The following FOXN3 variants were observed in gnomAD, a reference collection of about 807,000 sequenced individuals.
FOXN3 encodes the protein forkhead box N3.
Under a neutral mutation model 38.4 loss-of-function variants are expected in FOXN3, and 7 were observed. The observed-to-expected ratio is 0.18, with a 90% CI of 0.10 to 0.34. The LOEUF (loss-of-function observed/expected upper bound fraction) is 0.34. Among genes scored for constraint, FOXN3 ranks in the 10% least tolerant of loss-of-function variants. The pLI is 1.00. For synonymous variants in FOXN3, 230 were observed against 242.2 expected (o/e 0.95, Z 0.47); for missense variants, 456 against 613.4 (o/e 0.74, Z 2.71).
At chr14:89,612,921 G>A (rs776766963) in intron 1 of FOXN3, among the ~76,000 whole-genome samples, 3 of 151,212 alleles carry the variant, frequency 2.0e-5, no homozygotes, top group Non-Finnish European at 2.9e-5. Flanking sequence ...AGTTTCAGAC[G>A]AGCCTGGCCA....
intron 1 of FOXN3, among the ~76,000 whole-genome samples, chr14:89,416,448 G>T (rs1371541897): frequency 6.6e-6 from 1 of 152,146 alleles, no homozygotes; most frequent in East Asian, 1.9e-4. Flanking sequence ...GTCGGGCCTC[G>T]GGGGTCTCCG....
At chr14:89,428,221 G>C (rs1892084006) in intron 1 of FOXN3, among the ~76,000 whole-genome samples, 1 of 152,158 alleles carries the variant, frequency 6.6e-6, no homozygotes, top group South Asian at 2.1e-4. Flanking sequence ...GCAGCACAAA[G>C]TTCTTTTTTG....
At chr14:89,206,714 C>T (rs1888395517) in intron 4 of FOXN3, among the ~76,000 whole-genome samples, 1 of 152,166 alleles carries the variant, frequency 6.6e-6, no homozygotes, top group Admixed American at 6.5e-5. Context: ...CAAAACGAAA[C>T]AAAGAAAACT....
chr14:89,475,062 C>T (rs1349117015), intron 1 of FOXN3, among the ~76,000 whole-genome samples: 1 of 152,134 alleles, frequency 6.6e-6, no homozygotes, highest in African/African-American at 2.4e-5. Flanking sequence ...GATCCATCCG[C>T]CCCAGCCTCC....
At chr14:89,220,809 C>T (rs1884439610) in intron 4 of FOXN3, among the ~76,000 whole-genome samples, 1 of 152,104 alleles carries the variant, frequency 6.6e-6, no homozygotes, top group Non-Finnish European at 1.5e-5. Context: ...GAAGAATGCC[C>T]TGAGAACCAT....
intron 4 of FOXN3, among the ~76,000 whole-genome samples, chr14:89,279,387 C>A (rs1886393154): frequency 6.6e-6 from 1 of 152,112 alleles, no homozygotes. Context: ...TTTTGCCCCA[C>A]AGAAACGAAC....
chr14:89,216,038 A>G (rs531274998), intron 4 of FOXN3, among the ~76,000 whole-genome samples: 9 of 152,230 alleles, frequency 5.9e-5, no homozygotes, highest in Admixed American at 1.3e-4. Flanking sequence ...AGAAGTGACC[A>G]TTTGTGCCCA....
rs540069988 is a variant in FOXN3 at position 89,161,037 on chromosome 14, T to C, written c.*1377A>G. ...CTTTTCTCTATTTTCTATATTTATA[T>C]GAAAATAATTCATGCTTCATGCTAA... is the stretch of plus-strand genomic sequence containing the variant. On this transcript the variant is annotated 3_prime_UTR_variant, in exon 6 of 6. Transcript: ENST00000557258. The C allele has an allele frequency of 6.6e-6, 1 of 152,396 alleles. No individual in the cohort carries two copies. Among genetic ancestry groups the C allele is most frequent in the East Asian group, 1.9e-4 (1 of 5,194 alleles). 9.4% of individuals were successfully genotyped at this position (152,396 alleles called of 1,614,324 possible).
intron 3 of FOXN3, among the ~76,000 whole-genome samples, chr14:89,348,527 A>G (rs946860797): frequency 6.6e-6 from 1 of 152,154 alleles, no homozygotes; most frequent in Non-Finnish European, 1.5e-5. Context: ...CAGGAAAGAG[A>G]AAGTGACTTG....
chr14:89,599,623 G>C (rs1468417621), intron 1 of FOXN3, among the ~76,000 whole-genome samples: 1 of 151,840 alleles, frequency 6.6e-6, no homozygotes, highest in Non-Finnish European at 1.5e-5. Flanking sequence ...TCTACTGACT[G>C]ACAGATATAG....
At chr14:89,402,785 G>A (rs1275259834) in intron 2 of FOXN3, among the ~76,000 whole-genome samples, 1 of 152,212 alleles carries the variant, frequency 6.6e-6, no homozygotes, top group Non-Finnish European at 1.5e-5. Flanking sequence ...GGGAATGTGC[G>A]TCTCTGTCTA....
intron 1 of FOXN3, among the ~76,000 whole-genome samples, chr14:89,437,181 CAAAACAAAACAAAA>C (rs1388145758): frequency 7.6e-6 from 1 of 130,890 alleles, no homozygotes; most frequent in Non-Finnish European, 1.7e-5. Context: ...TCTCAAAAAA[CAAAACAAAACAAAA>C]AAAAACAGTA....
intron 1 of FOXN3, among the ~76,000 whole-genome samples, chr14:89,519,818 T>C (rs1280044817): frequency 6.6e-6 from 1 of 152,104 alleles, no homozygotes; most frequent in Non-Finnish European, 1.5e-5. Flanking sequence ...ATGTTTCTGG[T>C]GATAGCAGCA....
intron 1 of FOXN3, among the ~76,000 whole-genome samples, chr14:89,439,900 CG>C (rs1207202389): frequency 6.6e-6 from 1 of 152,048 alleles, no homozygotes; most frequent in Non-Finnish European, 1.5e-5. Context: ...GTGATCCACC[CG>C]CCTCGGCCTC....
intron 3 of FOXN3, among the ~76,000 whole-genome samples, chr14:89,283,659 A>G (rs984819553): frequency 6.6e-6 from 1 of 151,932 alleles, no homozygotes. Flanking sequence ...GGTGCGCTCC[A>G]TACCCAGCCA....
At chr14:89,595,516 T>C (rs1360412611) in intron 1 of FOXN3, among the ~76,000 whole-genome samples, 1 of 152,202 alleles carries the variant, frequency 6.6e-6, no homozygotes, top group South Asian at 2.1e-4. Flanking sequence ...TAAAGAGAAA[T>C]ACAATTTACT....
At chr14:89,584,395 C>T (rs546124106) in intron 1 of FOXN3, among the ~76,000 whole-genome samples, 34 of 152,112 alleles carry the variant, frequency 2.2e-4, no homozygotes, top group Admixed American at 6.5e-4. Context: ...AGGGAAACTC[C>T]ATCTTGATAA....
At chr14:89,420,388 GA>G (rs1891872196), upstream of FOXN3, among the ~76,000 whole-genome samples, 1 of 152,170 alleles carries the variant, frequency 6.6e-6, no homozygotes, top group African/African-American at 2.4e-5. Flanking sequence ...TTGGAAGTGG[GA>G]TATCTAATAA....
intron 3 of FOXN3, among the ~76,000 whole-genome samples, chr14:89,287,859 T>C (rs983285522): frequency 2.0e-5 from 3 of 151,046 alleles, no homozygotes; most frequent in Non-Finnish European, 2.9e-5. Context: ...GAGACCAGCC[T>C]GGGAAACGTT....
Sources: gnomAD v4.1 joint callset for allele counts (sites outside exome capture counted in the v4.1 genomes callset) on GRCh38, gnomAD v4.1.1 for gene constraint, MANE v1.5 for transcripts, NCBI Gene and HGNC (gene_info 2026-07-23, HGNC 2026-07-21) for gene names.